Variants in DPYD observed in about 807,000 individuals in gnomAD.
The protein encoded by DPYD is dihydropyrimidine dehydrogenase.
DPYD carries 109 observed loss-of-function variants against 116.2 expected under a neutral mutation model. That is an observed-to-expected ratio of 0.94 (90% CI 0.80 to 1.10). The LOEUF (loss-of-function observed/expected upper bound fraction) is 1.10, where lower values mean the gene tolerates loss of function less well. Ranked by LOEUF, DPYD falls within the 50% of genes least tolerant of loss-of-function variation. The pLI is 0.00. For missense variants in DPYD, 1,302 were observed against 1,254.5 expected, an observed-to-expected ratio of 1.04 and a Z score of -0.57; for synonymous variants, 440 against 432.0, an observed-to-expected ratio of 1.02 and a Z score of -0.23.
chr1:97,778,383 A>G (rs1251903282), intron 3 of DPYD, among the ~76,000 whole-genome samples: 1 of 152,120 alleles, frequency 6.6e-6, no homozygotes, highest in Non-Finnish European at 1.5e-5. Context: ...TCTCTAAATT[A>G]TTAACAAGAA....
intron 14 of DPYD, among the ~76,000 whole-genome samples, chr1:97,446,407 C>A (rs150859185): frequency 6.6e-6 from 1 of 152,276 alleles, no homozygotes; most frequent in Admixed American, 6.5e-5. Flanking sequence ...GGCTATTTGT[C>A]AGTAAAGCAC....
At chr1:97,227,894 A>T (rs1165137309) in intron 19 of DPYD, among the ~76,000 whole-genome samples, 1 of 152,032 alleles carries the variant, frequency 6.6e-6, no homozygotes, top group East Asian at 1.9e-4. Flanking sequence ...TTGTGAACTT[A>T]CATTTAATTC....
intron 20 of DPYD, among the ~76,000 whole-genome samples, chr1:97,148,319 C>T (rs1380005688): frequency 4.0e-5 from 6 of 151,812 alleles, no homozygotes; most frequent in African/African-American, 1.2e-4. Flanking sequence ...TAGGCTTTTC[C>T]CTGATGAAAG....
At chr1:97,209,175 AAATC>A (rs1351895727) in intron 19 of DPYD, among the ~76,000 whole-genome samples, 1 of 152,172 alleles carries the variant, frequency 6.6e-6, no homozygotes, top group Non-Finnish European at 1.5e-5. Flanking sequence ...GCCTACCCAT[AAATC>A]AATATACTAC....
rs199630367 is a variant in DPYD at position 97,731,026 on chromosome 1, A to AAT, written c.322-9357_322-9356dup. Among the ~76,000 whole-genome samples the AAT allele has an allele frequency of 1.3e-3, 203 of 152,086 alleles. 1 individual carries two copies. The highest frequency in any genetic ancestry group is 4.6e-3 in the African/African-American group (192 of 41,530). ...ATCAAAGAATCTCATATTAATGTGA[A>AAT]ATATATATATATTCAAACATATATA... On this transcript the variant is annotated intron_variant, in intron 4 of 22. Coordinates refer to ENST00000370192, the MANE Select transcript of DPYD (RefSeq NM_000110.4).
intron 21 of DPYD, 100 bp downstream of exon 21, chr1:97,098,389 C>A: frequency 7.1e-7 from 1 of 1,411,402 alleles, no homozygotes; most frequent in South Asian, 1.3e-5. Context: ...ATTCTAAAAC[C>A]AAATTAGTGA....
At chr1:97,395,955 C>A (rs771886608) in intron 14 of DPYD, among the ~76,000 whole-genome samples, 1 of 152,094 alleles carries the variant, frequency 6.6e-6, no homozygotes, top group African/African-American at 2.4e-5. Context: ...TGGCATAAGA[C>A]CAAGTGAGGC....
At chr1:97,482,006 T>C (rs1269179231) in intron 13 of DPYD, among the ~76,000 whole-genome samples, 1 of 152,196 alleles carries the variant, frequency 6.6e-6, no homozygotes, top group Non-Finnish European at 1.5e-5. Context: ...TAGATTACTT[T>C]TACTAAAGTA....
At chr1:97,102,459 T>TTATCTATC (rs1236741247) in intron 20 of DPYD, among the ~76,000 whole-genome samples, 38,477 of 124,622 alleles carry the variant, frequency 0.31, 6,247 homozygotes, top group Middle Eastern at 0.37. Flanking sequence ...CTGAAATCTA[T>TTATCTATC]TATCTATCTA....
chr1:97,515,002 A>G (rs1458219653), intron 13 of DPYD, among the ~76,000 whole-genome samples: 4 of 151,962 alleles, frequency 2.6e-5, no homozygotes, highest in Non-Finnish European at 5.9e-5. Context: ...TTAGTATTAA[A>G]TACATTGAGA....
At chr1:97,739,374 A>C (rs769036119) in intron 4 of DPYD, among the ~76,000 whole-genome samples, 44 of 152,112 alleles carry the variant, frequency 2.9e-4, no homozygotes, top group Admixed American at 7.2e-4. Context: ...AATTACCCCC[A>C]GTTTCACAAT....
chr1:97,722,951 C>T (rs188034244), intron 4 of DPYD, among the ~76,000 whole-genome samples: 33 of 151,480 alleles, frequency 2.2e-4, no homozygotes, highest in African/African-American at 8.0e-4. Context: ...AAGCAAACTC[C>T]TAGGTAATCA....
chr1:97,592,719 T>C (rs948127063), intron 10 of DPYD, among the ~76,000 whole-genome samples: 1 of 152,196 alleles, frequency 6.6e-6, no homozygotes, highest in East Asian at 1.9e-4. Flanking sequence ...AGTGCTTATA[T>C]TAGAGCACTT....
At chr1:97,765,744 T>C (rs930994923) in intron 3 of DPYD, among the ~76,000 whole-genome samples, 2 of 152,166 alleles carry the variant, frequency 1.3e-5, no homozygotes, top group African/African-American at 4.8e-5. Context: ...CAACAGCTAG[T>C]TGATGAAAGA....
chr1:97,149,831 T>A (rs938908470), intron 20 of DPYD, among the ~76,000 whole-genome samples: 1 of 152,206 alleles, frequency 6.6e-6, no homozygotes, highest in Non-Finnish European at 1.5e-5. Flanking sequence ...TGTCTGTAAC[T>A]TCATTGCATC....
At chr1:97,814,921 A>AAAAAGAG (rs1557982371) in intron 3 of DPYD, among the ~76,000 whole-genome samples, 2 of 19,680 alleles carry the variant, frequency 1.0e-4, no homozygotes, top group African/African-American at 1.2e-4. Context: ...AAAAAAAAAA[A>AAAAAGAG]GAAAGAGAGA....
At chr1:97,356,060 G>T (rs925411157) in intron 16 of DPYD, among the ~76,000 whole-genome samples, 1 of 152,050 alleles carries the variant, frequency 6.6e-6, no homozygotes, top group Non-Finnish European at 1.5e-5. Context: ...GCGTGCCAGG[G>T]CTCCCTTTTC....
rs1557766158 is a variant in DPYD, at chr1:97,515,887, G to A, written c.1579C>T (p.Pro527Ser). 2 of 1,612,836 alleles carry A rather than the reference G, an allele frequency of 1.2e-6. No homozygotes were observed. Among genetic ancestry groups the A allele is most frequent in the Non-Finnish European group, 1.7e-6 (2 of 1,179,204 alleles). The change falls in exon 13 of 23, where the codon CCT becomes TCT. Residue 527 changes from proline (P) to serine (S), a missense_variant. Pro to Ser is a moderately conservative substitution (Grantham distance 74, BLOSUM62 -1). Transcript: ENST00000370192. The part of the protein sequence containing the change: ...AKPELPLFYT[P>S]IDLVDISVEM... ...ACACTAATGTCCACCAGATCAATAG[G>A]AGTGTAAAAGAGGGGTAGTTCAGGC... is the stretch of plus-strand genomic sequence containing the variant.
intron 13 of DPYD, among the ~76,000 whole-genome samples, chr1:97,513,373 G>C (rs1647954427): frequency 6.6e-6 from 1 of 151,720 alleles, no homozygotes; most frequent in South Asian, 2.1e-4. Context: ...CAGATGTTCA[G>C]TCAGGGCTCT....
Sources: allele counts gnomAD v4.1 joint callset (sites outside exome capture counted in the v4.1 genomes callset), GRCh38; gene constraint gnomAD v4.1.1; transcripts MANE v1.5; gene names NCBI Gene and HGNC (gene_info 2026-07-23, HGNC 2026-07-21).